Variants in ATP6V1C1 observed in about 807,000 individuals in gnomAD.
ATP6V1C1 encodes V-type proton ATPase subunit C 1.
In ATP6V1C1, 45 loss-of-function variants were observed where a neutral mutation model predicts 53.9. The observed-to-expected ratio is 0.83, with a 90% CI of 0.66 to 1.07. The LOEUF is 1.07. Among genes scored for constraint, ATP6V1C1 ranks in the 50% least tolerant of loss-of-function variants. The probability of loss-of-function intolerance (pLI) is 0.00; values close to 1 mark genes in which losing one functional copy is unlikely to be tolerated. For synonymous variants in ATP6V1C1, 153 were observed against 155.2 expected, an observed-to-expected ratio of 0.99 and a Z score of 0.11; for missense variants, 315 against 440.3, an observed-to-expected ratio of 0.72 and a Z score of 2.55.
intron 1 of ATP6V1C1, among the ~76,000 whole-genome samples, chr8:103,039,110 A>T (rs1816949296): frequency 6.6e-6 from 1 of 152,190 alleles, no homozygotes; most frequent in Non-Finnish European, 1.5e-5. Flanking sequence ...ATTTAATACC[A>T]CTGTCTGCAT....
At chr8:103,059,844 G>A (rs1391999842) in intron 8 of ATP6V1C1, among the ~76,000 whole-genome samples, 1 of 148,792 alleles carries the variant, frequency 6.7e-6, no homozygotes, top group Non-Finnish European at 1.5e-5. Context: ...AACCCTGCTT[G>A]TCCCTCCCCA....
intron 1 of ATP6V1C1, among the ~76,000 whole-genome samples, chr8:103,039,460 A>G (rs188644121): frequency 6.6e-6 from 1 of 152,300 alleles, no homozygotes; most frequent in Admixed American, 6.5e-5. Context: ...TACATTTATA[A>G]ACTCTTTTCA....
chr8:103,042,778 C>G (rs1161760224), intron 3 of ATP6V1C1, among the ~76,000 whole-genome samples: 27 of 152,124 alleles, frequency 1.8e-4, no homozygotes, highest in Admixed American at 1.8e-3. Flanking sequence ...ACTTACCGTC[C>G]CCACCACCCA....
At chr8:103,042,299 A>T (rs755250667) in intron 2 of ATP6V1C1, 41 bp from the exon 3 acceptor site, 53 of 1,541,074 alleles carry the variant, frequency 3.4e-5, no homozygotes, top group Non-Finnish European at 4.2e-5. Context: ...TTTTTTTTTA[A>T]AAAAGCATGC....
chr8:103,021,766 C>T (rs771069729), intron 1 of ATP6V1C1, among the ~76,000 whole-genome samples: 2 of 152,008 alleles, frequency 1.3e-5, no homozygotes, highest in East Asian at 3.9e-4. Flanking sequence ...ATCCAGAGAA[C>T]TCAACTATTT....
chr8:103,030,768 G>A (rs57429343), intron 1 of ATP6V1C1, among the ~76,000 whole-genome samples: 1 of 120,562 alleles, frequency 8.3e-6, no homozygotes, highest in Non-Finnish European at 1.6e-5. Flanking sequence ...AGAAACTTAT[G>A]GGGGGGGTCT....
chr8:103,040,800 T>G lies in ATP6V1C1; in HGVS notation c.-37T>G. On this transcript the variant is annotated splice_region_variant and 5_prime_UTR_variant, in exon 2 of 13. Coordinates refer to ENST00000518738, the MANE Select transcript of ATP6V1C1 (RefSeq NM_001695.5). Reference sequence around the variant, plus strand: ...TTTTTATTTGTTTTACATTTCAGAATCTCTCTTGATTTTTGAGGAAATACC... The same window carrying G: ...TTTTTATTTGTTTTACATTTCAGAAGCTCTCTTGATTTTTGAGGAAATACC... 2 of 1,588,510 alleles carry G rather than the reference T, an allele frequency of 1.3e-6. No individual in the cohort carries two copies. The highest frequency in any genetic ancestry group is 1.7e-6 in the Non-Finnish European group (2 of 1,169,222).
At chr8:103,049,291 T>A (rs1387664829) in intron 4 of ATP6V1C1, among the ~76,000 whole-genome samples, 1 of 152,242 alleles carries the variant, frequency 6.6e-6, no homozygotes, top group Non-Finnish European at 1.5e-5. Context: ...AAGTTGTATA[T>A]CTCAGCATTG....
Position 103,048,971 on chromosome 8 carries a change from T to C in ATP6V1C1, c.286+16T>C, listed in dbSNP as rs1257067502. On this transcript the variant is annotated intron_variant, in intron 4 of 12. Coordinates refer to ENST00000518738, the MANE Select transcript of ATP6V1C1 (RefSeq NM_001695.5). ...GCTAATGGAGGTAAGCTAATGCTCA[T>C]GATTGATCATTATTAACTCATACAA... The C allele has an allele frequency of 6.3e-7, 1 of 1,598,788 alleles. No individual in the cohort carries two copies. Among genetic ancestry groups the C allele is most frequent in the African/African-American group, 1.3e-5 (1 of 74,570 alleles).
intron 8 of ATP6V1C1, among the ~76,000 whole-genome samples, chr8:103,057,427 A>G (rs979382996): frequency 2.0e-5 from 3 of 152,232 alleles, no homozygotes; most frequent in Non-Finnish European, 4.4e-5. Flanking sequence ...CGGCCTCCCA[A>G]TCAGTCTGAT....
intron 8 of ATP6V1C1, among the ~76,000 whole-genome samples, chr8:103,061,902 C>T (rs1817405257): frequency 6.6e-6 from 1 of 152,110 alleles, no homozygotes; most frequent in Non-Finnish European, 1.5e-5. Context: ...ATTCTGAAAG[C>T]CAAATTTGGA....
chr8:103,059,215 T>G (rs1406185572), intron 8 of ATP6V1C1, among the ~76,000 whole-genome samples: 1 of 152,152 alleles, frequency 6.6e-6, no homozygotes, highest in Non-Finnish European at 1.5e-5. Context: ...GTTTCAGAGT[T>G]TCTGAGGGAG....
At chr8:103,045,984 T>A (rs77182139) in intron 3 of ATP6V1C1, among the ~76,000 whole-genome samples, 1 of 151,568 alleles carries the variant, frequency 6.6e-6, no homozygotes, top group Non-Finnish European at 1.5e-5. Context: ...CTTTTTTTTT[T>A]AGTTGTCATC....
intron 1 of ATP6V1C1, among the ~76,000 whole-genome samples, chr8:103,030,794 C>G (rs1452982245): frequency 6.6e-6 from 1 of 152,104 alleles, no homozygotes; most frequent in African/African-American, 2.4e-5. Context: ...GGAGATCTAA[C>G]AAAGAATGAC....
intron 11 of ATP6V1C1, 86 bp from the exon 12 acceptor site, chr8:103,066,234 TA>T: frequency 6.9e-7 from 1 of 1,452,500 alleles, no homozygotes; most frequent in Non-Finnish European, 9.2e-7. Context: ...TAACCATGAT[TA>T]AAGAGTATGA....
intron 3 of ATP6V1C1, 143 bp from the exon 4 acceptor site, chr8:103,048,727 A>G (rs1817148109): frequency 3.3e-6 from 2 of 610,024 alleles, no homozygotes; most frequent in Non-Finnish European, 5.5e-6. Flanking sequence ...ATTATAAGGT[A>G]AGATCCATTT....
At chr8:103,027,150 G>A (rs970363969) in intron 1 of ATP6V1C1, among the ~76,000 whole-genome samples, 3 of 152,214 alleles carry the variant, frequency 2.0e-5, no homozygotes, top group African/African-American at 7.2e-5. Context: ...CATTTGGAAG[G>A]CTATGTGATA....
chr8:103,041,746 C>A (rs1817004697), intron 2 of ATP6V1C1, among the ~76,000 whole-genome samples: 1 of 151,920 alleles, frequency 6.6e-6, no homozygotes. Flanking sequence ...TTGGTGGGCA[C>A]CTGTAATCCC....
intron 8 of ATP6V1C1, among the ~76,000 whole-genome samples, chr8:103,061,476 C>T (rs1817394462): frequency 6.6e-6 from 1 of 152,116 alleles, no homozygotes; most frequent in South Asian, 2.1e-4. Context: ...TTAAATTCCC[C>T]AGCATTCCTC....
Sources: gnomAD v4.1 joint callset for allele counts (sites outside exome capture counted in the v4.1 genomes callset) on GRCh38, gnomAD v4.1.1 for gene constraint, MANE v1.5 for transcripts, NCBI Gene and HGNC (gene_info 2026-07-23, HGNC 2026-07-21) for gene names.